Variants in LNPEP observed in about 807,000 individuals in gnomAD.
The protein encoded by LNPEP is leucyl-cystinyl aminopeptidase.
A neutral mutation model predicts 120.6 loss-of-function variants in LNPEP; 64 were observed. That is an observed-to-expected ratio of 0.53 (90% CI 0.43 to 0.65). The LOEUF is 0.65. Among genes scored for constraint, LNPEP ranks in the 30% least tolerant of loss-of-function variants. The probability of loss-of-function intolerance (pLI) is 0.00; values close to 1 mark genes in which losing one functional copy is unlikely to be tolerated. For synonymous variants in LNPEP, 435 were observed against 425.4 expected (o/e 1.02, Z -0.28); for missense variants, 1,057 against 1,200.0 (o/e 0.88, Z 1.76).
chr5:96,943,187 T>C, intron 1 of LNPEP: 1 of 448,260 alleles, frequency 2.2e-6, no homozygotes, highest in Non-Finnish European at 3.4e-6. Context: ...TGCAGATGCT[T>C]AAGTCAACTA....
Position 97,034,024 on chromosome 5 carries a change from A to G in LNPEP, c.*5491A>G, listed in dbSNP as rs946458239. On this transcript the variant is annotated 3_prime_UTR_variant, in exon 18 of 18. Coordinates refer to ENST00000231368, the MANE Select transcript of LNPEP (RefSeq NM_005575.3). ...TACTTTTCATTAACTATATTGTATT[A>G]TTTCATGCTGTACCCAGTCCATTGC... 1 of 151,988 alleles carries G rather than the reference A, an allele frequency of 6.6e-6. No individual in the cohort carries two copies. Among genetic ancestry groups the G allele is most frequent in the African/African-American group, 2.4e-5 (1 of 41,372 alleles). 9.4% of individuals were successfully genotyped at this position (151,988 alleles called of 1,614,324 possible). A position where few individuals can be genotyped will look rare whatever the true frequency, so the allele number is the denominator to read the frequency against.
chr5:96,962,642 CTT>C (rs34252666), intron 1 of LNPEP: 56 of 139,238 alleles, frequency 4.0e-4, no homozygotes, highest in Middle Eastern at 3.6e-3. Context: ...TTTCTTTATT[CTT>C]TTTTTTTTTT....
intron 2 of LNPEP, among the ~76,000 whole-genome samples, chr5:96,981,176 A>C (rs1215899581): frequency 2.0e-5 from 3 of 152,204 alleles, no homozygotes; most frequent in African/African-American, 7.2e-5. Context: ...ATCATACCTC[A>C]GAGAAGAAAA....
chr5:96,955,837 ACTGT>A (rs1253058131), intron 1 of LNPEP, among the ~76,000 whole-genome samples: 1 of 152,230 alleles, frequency 6.6e-6, no homozygotes, highest in African/African-American at 2.4e-5. Flanking sequence ...GTCATCTGGT[ACTGT>A]AAGTTTTAAC....
At chr5:96,984,310 A>T (rs1473856305) in intron 2 of LNPEP, among the ~76,000 whole-genome samples, 1 of 152,240 alleles carries the variant, frequency 6.6e-6, no homozygotes, top group Non-Finnish European at 1.5e-5. Flanking sequence ...CTCTAAAGAC[A>T]TAAGTGATTA....
intron 4 of LNPEP, among the ~76,000 whole-genome samples, chr5:96,991,151 A>G (rs1371635662): frequency 6.6e-6 from 1 of 152,178 alleles, no homozygotes; most frequent in Non-Finnish European, 1.5e-5. Context: ...GAGTGAGAAC[A>G]TACATACGAT....
intron 1 of LNPEP, among the ~76,000 whole-genome samples, chr5:96,972,389 C>A (rs1033868407): frequency 6.6e-6 from 1 of 152,080 alleles, no homozygotes; most frequent in African/African-American, 2.4e-5. Context: ...GTTCTCTTTG[C>A]TCTGGCTGGG....
At chr5:97,024,316 A>G (rs928240270) in intron 14 of LNPEP, among the ~76,000 whole-genome samples, 1 of 152,140 alleles carries the variant, frequency 6.6e-6, no homozygotes. Flanking sequence ...TACTCTGTGA[A>G]TATTAAATTG....
chr5:96,951,620 G>A (rs1300208890), intron 1 of LNPEP, among the ~76,000 whole-genome samples: 1 of 152,156 alleles, frequency 6.6e-6, no homozygotes, highest in Non-Finnish European at 1.5e-5. Context: ...GGATACAACT[G>A]TATCATAGGA....
At chr5:97,008,682 T>TTA in intron 11 of LNPEP, among the ~76,000 whole-genome samples, 1 of 142,060 alleles carries the variant, frequency 7.0e-6, no homozygotes, top group South Asian at 2.3e-4. Context: ...TTTTTTTTTT[T>TTA]GAGACAGAGT....
At chr5:97,027,927 C>CT (rs1335979295) in intron 17 of LNPEP, 113 bp downstream of exon 17, 8 of 696,726 alleles carry the variant, frequency 1.1e-5, no homozygotes, top group Non-Finnish European at 2.1e-5. Flanking sequence ...TCTCTTATCT[C>CT]TGTCTTCCTT....
chr5:97,013,828 C>G lies in LNPEP; in HGVS notation c.2216C>G (p.Ala739Gly), dbSNP rs759256640. ...ANLINNIFEL[A>G]GLGKVPLKRA... The stretch of plus-strand genomic sequence containing the variant: ...CTTATCAACAACATCTTTGAACTTG[C>G]AGGGTAGAGTATACTTAGTTTGAGA... Residue 739 changes from alanine to glycine, a missense_variant, in exon 12 of 18, where the codon GCA becomes GGA. Coordinates refer to ENST00000231368, the MANE Select transcript of LNPEP (RefSeq NM_005575.3). 4 of 1,597,620 alleles carry G rather than the reference C, an allele frequency of 2.5e-6. No homozygotes were observed. Among genetic ancestry groups the G allele is most frequent in the Non-Finnish European group, 2.6e-6 (3 of 1,172,804 alleles).
intron 8 of LNPEP, among the ~76,000 whole-genome samples, 164 bp from the exon 9 acceptor site, chr5:97,003,251 A>G (rs1790695748): frequency 1.3e-5 from 2 of 152,352 alleles, no homozygotes; most frequent in South Asian, 4.1e-4. Context: ...ACAGTTGAAC[A>G]CAGTCCACAT....
chr5:97,005,290 T>C (rs894144756), intron 9 of LNPEP, among the ~76,000 whole-genome samples: 2 of 152,224 alleles, frequency 1.3e-5, no homozygotes, highest in Non-Finnish European at 2.9e-5. Context: ...TCTAGAAAAA[T>C]AATTTGAATC....
intron 1 of LNPEP, among the ~76,000 whole-genome samples, chr5:96,973,736 T>C (rs1477335037): frequency 6.6e-6 from 1 of 152,260 alleles, no homozygotes; most frequent in African/African-American, 2.4e-5. Context: ...CACAGATGCC[T>C]AGGGACAGCT....
rs764117886 is a variant in LNPEP, at chr5:96,979,246, A to C, written c.128A>C (p.Glu43Ala). 1 of 1,613,938 alleles carries C rather than the reference A, an allele frequency of 6.2e-7. No homozygotes were observed. Among genetic ancestry groups the C allele is most frequent in the South Asian group, 1.1e-5 (1 of 91,080 alleles). ...EPCLHPLEPD[E>A]VEYEPRGSRL... is the part of the protein sequence containing the mutation. ...TGTTTACATCCTCTAGAGCCTGATG[A>C]GGTGGAATATGAGCCCCGGGGTTCC... The change falls in exon 2 of 18, where the codon GAG (glutamate) becomes GCG (alanine). Residue 43 changes from glutamate (E) to alanine (A), a missense_variant. Coordinates refer to ENST00000231368, the MANE Select transcript of LNPEP (RefSeq NM_005575.3).
intron 1 of LNPEP, among the ~76,000 whole-genome samples, chr5:96,959,292 C>G (rs576906187): frequency 6.6e-6 from 1 of 152,174 alleles, no homozygotes; most frequent in African/African-American, 2.4e-5. Context: ...ATGAAGTAGA[C>G]AAGTGGCTGC....
At chr5:96,954,085 A>G (rs1432270285) in intron 1 of LNPEP, among the ~76,000 whole-genome samples, 1 of 152,204 alleles carries the variant, frequency 6.6e-6, no homozygotes, top group Non-Finnish European at 1.5e-5. Context: ...AGACATTAGT[A>G]TTGGGTTATG....
At chr5:97,004,511 CAAAAA>C (rs200476030) in intron 9 of LNPEP, among the ~76,000 whole-genome samples, 1 of 71,644 alleles carries the variant, frequency 1.4e-5, no homozygotes. Flanking sequence ...GACTCTGTCT[CAAAAA>C]AAAAAAAAAA....
Sources: allele counts gnomAD v4.1 joint callset (sites outside exome capture counted in the v4.1 genomes callset), GRCh38; gene constraint gnomAD v4.1.1; transcripts MANE v1.5; gene names NCBI Gene and HGNC (gene_info 2026-07-23, HGNC 2026-07-21).